Variants in SPAG16 observed in about 807,000 individuals in gnomAD.
The protein encoded by SPAG16 is sperm-associated antigen 16 protein.
Under a neutral mutation model 80.4 loss-of-function variants are expected in SPAG16, and 86 were observed. The observed-to-expected ratio is 1.07, with a 90% CI of 0.90 to 1.28. The LOEUF (loss-of-function observed/expected upper bound fraction) is 1.28. Ranked by LOEUF, SPAG16 falls within the 50% of genes most tolerant of loss-of-function variation. The pLI is 0.00. For synonymous variants in SPAG16, 294 were observed against 265.9 expected (o/e 1.11, Z -1.03); for missense variants, 870 against 765.3 (o/e 1.14, Z -1.61).
At chr2:213,495,133 T>C (rs1363642108) in intron 10 of SPAG16, among the ~76,000 whole-genome samples, 1 of 152,210 alleles carries the variant, frequency 6.6e-6, no homozygotes, top group Non-Finnish European at 1.5e-5. Context: ...GGGTAGATGC[T>C]CACCAATCCA....
chr2:213,412,277 G>T (rs1194690326), intron 9 of SPAG16, among the ~76,000 whole-genome samples: 2 of 152,028 alleles, frequency 1.3e-5, no homozygotes, highest in Non-Finnish European at 2.9e-5. Context: ...AACCTGTGTG[G>T]TCTAACCCTA....
intron 11 of SPAG16, among the ~76,000 whole-genome samples, chr2:213,894,225 A>G (rs2076902965): frequency 6.6e-6 from 1 of 152,178 alleles, no homozygotes; most frequent in African/African-American, 2.4e-5. Context: ...TCAAGAACAC[A>G]TTAAAAAGAT....
chr2:214,128,711 T>C (rs935428649), intron 14 of SPAG16, among the ~76,000 whole-genome samples: 1 of 151,926 alleles, frequency 6.6e-6, no homozygotes, highest in African/African-American at 2.4e-5. Context: ...AATTTTCTCA[T>C]ATGTAATATG....
intron 10 of SPAG16, among the ~76,000 whole-genome samples, chr2:213,859,695 G>A (rs937866841): frequency 1.1e-4 from 16 of 152,130 alleles, no homozygotes; most frequent in African/African-American, 2.2e-4. Context: ...GTTGGCTTCC[G>A]TTCACTACCA....
intron 13 of SPAG16, among the ~76,000 whole-genome samples, chr2:214,084,314 G>A (rs1201313666): frequency 6.6e-6 from 1 of 151,644 alleles, no homozygotes; most frequent in Non-Finnish European, 1.5e-5. Flanking sequence ...ACAAAGCCAG[G>A]AACTAAAAAC....
chr2:213,343,858 A>G (rs1401658887), intron 6 of SPAG16, among the ~76,000 whole-genome samples: 1 of 152,110 alleles, frequency 6.6e-6, no homozygotes, highest in Non-Finnish European at 1.5e-5. Flanking sequence ...GAAAAAACAT[A>G]AATAGAACCT....
chr2:214,058,708 G>A (rs545821512), intron 13 of SPAG16, among the ~76,000 whole-genome samples: 8 of 152,188 alleles, frequency 5.3e-5, no homozygotes, highest in Admixed American at 1.3e-4. Context: ...AATGAGATAT[G>A]CATGTATCTC....
chr2:213,672,855 GTTTGT>G (rs1189897341), intron 10 of SPAG16, among the ~76,000 whole-genome samples: 3 of 133,598 alleles, frequency 2.2e-5, no homozygotes, highest in Non-Finnish European at 4.9e-5. Context: ...GTTTTATTTT[GTTTGT>G]TTTTTTTTTT....
chr2:213,752,523 G>A (rs1345459412), intron 10 of SPAG16, among the ~76,000 whole-genome samples: 5 of 152,048 alleles, frequency 3.3e-5, no homozygotes, highest in African/African-American at 1.2e-4. Context: ...TTTAAACATA[G>A]TGAGATCGGA....
At chr2:213,986,891 C>CA (rs369965944) in intron 12 of SPAG16, among the ~76,000 whole-genome samples, 7,379 of 57,498 alleles carry the variant, frequency 0.13, 928 homozygotes, top group East Asian at 0.18. Context: ...TCTGGTATAG[C>CA]AAAAAAAAAA....
At chr2:214,155,975 T>G (rs2056195747) in intron 15 of SPAG16, among the ~76,000 whole-genome samples, 1 of 152,208 alleles carries the variant, frequency 6.6e-6, no homozygotes, top group Non-Finnish European at 1.5e-5. Context: ...TAAGTTTATG[T>G]TATTCTGACT....
intron 9 of SPAG16, among the ~76,000 whole-genome samples, chr2:213,417,754 T>A (rs1575538357): frequency 6.6e-6 from 1 of 152,214 alleles, no homozygotes; most frequent in Non-Finnish European, 1.5e-5. Context: ...TTTTTACTTA[T>A]CTATAAAAAT....
At chr2:213,384,657 A>G (rs1004954290) in intron 9 of SPAG16, among the ~76,000 whole-genome samples, 2 of 152,138 alleles carry the variant, frequency 1.3e-5, no homozygotes, top group East Asian at 1.9e-4. Context: ...ATCCTTTTTC[A>G]TAGGGACTGA....
At chr2:213,853,198 G>A (rs1478398859) in intron 10 of SPAG16, among the ~76,000 whole-genome samples, 1 of 152,168 alleles carries the variant, frequency 6.6e-6, no homozygotes, top group African/African-American at 2.4e-5. Context: ...GAAGACAAGG[G>A]TATCTAATTA....
At chr2:213,792,248 C>T (rs578160043) in intron 10 of SPAG16, among the ~76,000 whole-genome samples, 17 of 152,294 alleles carry the variant, frequency 1.1e-4, no homozygotes, top group African/African-American at 4.1e-4. Flanking sequence ...CTGACGGAAG[C>T]AAATCGCACT....
At chr2:213,532,386 G>A (rs1213233314) in intron 10 of SPAG16, among the ~76,000 whole-genome samples, 4 of 151,676 alleles carry the variant, frequency 2.6e-5, no homozygotes, top group Non-Finnish European at 2.9e-5. Flanking sequence ...ATTTGGAGGC[G>A]CTTCAAGGCA....
chr2:213,770,841 C>T (rs963164415), intron 10 of SPAG16, among the ~76,000 whole-genome samples: 1 of 152,152 alleles, frequency 6.6e-6, no homozygotes, highest in Non-Finnish European at 1.5e-5. Context: ...ATATGTACCA[C>T]ATTTTCTTTA....
chr2:213,741,294 A>T (rs924423389), intron 10 of SPAG16, among the ~76,000 whole-genome samples: 2 of 152,202 alleles, frequency 1.3e-5, no homozygotes, highest in African/African-American at 4.8e-5. Context: ...CATTTCAAAA[A>T]TAAAGGAAGT....
chr2:213,545,802 T>C (rs1254751294), intron 10 of SPAG16, among the ~76,000 whole-genome samples: 1 of 152,126 alleles, frequency 6.6e-6, no homozygotes, highest in African/African-American at 2.4e-5. Context: ...GTTTGTGTGA[T>C]GTGATGGCCC....
Sources: allele counts gnomAD v4.1 joint callset (sites outside exome capture counted in the v4.1 genomes callset), GRCh38; gene constraint gnomAD v4.1.1; transcripts MANE v1.5; gene names NCBI Gene and HGNC (gene_info 2026-07-23, HGNC 2026-07-21).